The following RET variants were observed in gnomAD, a reference collection of about 807,000 sequenced individuals.
RET encodes the protein proto-oncogene tyrosine-protein kinase receptor Ret.
In RET, 19 loss-of-function variants were observed where a neutral mutation model predicts 118.3. That is an observed-to-expected ratio of 0.16 (90% CI 0.11 to 0.24). The LOEUF (loss-of-function observed/expected upper bound fraction) is 0.24. Among genes scored for constraint, RET ranks in the 10% least tolerant of loss-of-function variants. RET has a pLI of 1.00. For missense variants in RET, 1,219 were observed against 1,502.1 expected, an observed-to-expected ratio of 0.81 and a Z score of 3.12; for synonymous variants, 597 against 644.1, an observed-to-expected ratio of 0.93 and a Z score of 1.11.
chr10:43,095,754 A>G (rs941423762), intron 1 of RET, among the ~76,000 whole-genome samples: 1 of 152,042 alleles, frequency 6.6e-6, no homozygotes, highest in Non-Finnish European at 1.5e-5. Context: ...ATATACACAC[A>G]CTCATGACAC....
At chr10:43,109,826 C>T (rs1200671746) in intron 6 of RET, among the ~76,000 whole-genome samples, 3 of 152,246 alleles carry the variant, frequency 2.0e-5, no homozygotes, top group African/African-American at 7.2e-5. Context: ...AGGCATGAGG[C>T]GTGATCCCTT....
At chr10:43,109,552 G>A (rs1288383680) in intron 6 of RET, among the ~76,000 whole-genome samples, 1 of 152,208 alleles carries the variant, frequency 6.6e-6, no homozygotes, top group African/African-American at 2.4e-5. Flanking sequence ...TGGTGGATTG[G>A]TGAGAGTGGC....
chr10:43,111,425 G>A lies in RET; in HGVS notation c.1482G>A (p.Arg494=), dbSNP rs200088863. 6.2e-7 allele frequency: 1 copy of A among 1,613,454 alleles called. No individual in the cohort carries two copies. Residue 494 remains arginine (R), a synonymous_variant, in exon 7 of 20, where the codon AGG becomes AGA. Transcript: ENST00000355710. The part of the protein sequence containing the change: ...MVVATDQQTS[R]QAQAQLLVTV... ...TGGCCACCGACCAGCAGACCTCTAG[G>A]CAGGCCCAGGCCCAGCTGCTTGTAA...
intron 3 of RET, among the ~76,000 whole-genome samples, chr10:43,103,269 A>G (rs1588864608): frequency 6.6e-6 from 1 of 152,170 alleles, no homozygotes; most frequent in East Asian, 1.9e-4. Context: ...TTAGTTTTAA[A>G]AGGATTAGTC....
intron 5 of RET, among the ~76,000 whole-genome samples, chr10:43,107,227 G>A (rs1337788314): frequency 2.0e-5 from 3 of 152,130 alleles, no homozygotes; most frequent in African/African-American, 2.4e-5. Flanking sequence ...TGCCTGGCCT[G>A]GTCCTGTTCA....
intron 1 of RET, among the ~76,000 whole-genome samples, chr10:43,098,798 T>C (rs548164994): frequency 6.6e-6 from 1 of 152,348 alleles, no homozygotes; most frequent in African/African-American, 2.4e-5. Flanking sequence ...CATCCATTGA[T>C]GGCCACTGAG....
chr10:43,082,120 GCCTGTGGGTC>G (rs1837198441), intron 1 of RET, among the ~76,000 whole-genome samples: 2 of 152,182 alleles, frequency 1.3e-5, no homozygotes, highest in Admixed American at 6.5e-5. Context: ...AGGCCATGAA[GCCTGTGGGTC>G]CCTGAACTGT....
Position 43,113,692 on chromosome 10 carries a change from C to A in RET, c.1879+17C>A, listed in dbSNP as rs369920430. On this transcript the variant is annotated intron_variant, in intron 10 of 19. Transcript: ENST00000355710. ...ACATCCAGGGTGAGTGGGTGGCGGC[C>A]GGGACCACCACCACCTCCCAGCCCC... 1 of 1,612,316 alleles carries A rather than the reference C, an allele frequency of 6.2e-7. No homozygotes were observed.
chr10:43,107,950 A>G (rs1224671250), intron 5 of RET, among the ~76,000 whole-genome samples: 1 of 152,142 alleles, frequency 6.6e-6, no homozygotes, highest in Non-Finnish European at 1.5e-5. Flanking sequence ...GTACAAAGGA[A>G]TGTTAAGGAG....
At chr10:43,095,609 G>A (rs2435347) in intron 1 of RET, among the ~76,000 whole-genome samples, 58,517 of 152,124 alleles carry the variant, frequency 0.38, 11,579 homozygotes, top group South Asian at 0.51. Context: ...ATTGGAAACA[G>A]TCTAGCACTT....
Position 43,128,246 on chromosome 10 carries a change from T to G in RET, c.3322T>G (p.Leu1108Val). The change falls in exon 20 of 20, where the codon TTA (leucine) becomes GTA (valine). Residue 1108 changes from leucine (L) to valine (V), a missense_variant. By Grantham distance (32) the Leu-to-Val change is conservative. Coordinates refer to ENST00000355710, the MANE Select transcript of RET (RefSeq NM_020975.6). ...NWMLSPSAAK[L>V]MDTFDS Reference sequence around the variant, plus strand: ...GATGCTTTCACCCTCAGCGGCAAAATTAATGGACACGTTTGATAGTTAACA... The same window carrying G: ...GATGCTTTCACCCTCAGCGGCAAAAGTAATGGACACGTTTGATAGTTAACA... 1.2e-6 allele frequency: 2 copies of G among 1,614,188 alleles called. No individual in the cohort carries two copies. The highest frequency in any genetic ancestry group is 1.7e-6 in the Non-Finnish European group (2 of 1,180,032).
At chr10:43,088,117 G>A (rs941845627) in intron 1 of RET, among the ~76,000 whole-genome samples, 1 of 151,870 alleles carries the variant, frequency 6.6e-6, no homozygotes, top group Non-Finnish European at 1.5e-5. Context: ...GCTCATAATG[G>A]TGAAGGTGGT....
At chr10:43,100,402 T>G (rs1177928448) in intron 1 of RET, 57 bp from the exon 2 acceptor site, 29 of 1,540,260 alleles carry the variant, frequency 1.9e-5, no homozygotes, top group Middle Eastern at 3.5e-4. Flanking sequence ...TTTTTTTTTT[T>G]GTCCTTGAAG....
intron 15 of RET, among the ~76,000 whole-genome samples, chr10:43,120,875 CA>C (rs1484179898): frequency 1.3e-5 from 2 of 152,020 alleles, no homozygotes; most frequent in Non-Finnish European, 2.9e-5. Context: ...AGGGCAAGTT[CA>C]AGGGGCTGCT....
chr10:43,126,225 C>T (rs2133028877), intron 18 of RET, among the ~76,000 whole-genome samples: 1 of 152,352 alleles, frequency 6.6e-6, no homozygotes, highest in Admixed American at 6.5e-5. Context: ...CTGCCCATCT[C>T]CGGGTTGGGC....
At chr10:43,116,490 C>T (rs1838072802) in intron 11 of RET, 94 bp from the exon 12 acceptor site, 2 of 1,467,936 alleles carry the variant, frequency 1.4e-6, no homozygotes, top group South Asian at 1.1e-5. Context: ...GGAACTTGTC[C>T]ATGGGGCCTC....
rs1234498260 is a variant in RET, at chr10:43,106,259, A to G, written c.868-117A>G. ...TGTCCCCAGACCTGGCTCTGACAAC[A>G]CACATCTGGTCCACCTATGGGCTGT... is the stretch of plus-strand genomic sequence containing the variant. On this transcript the variant is annotated intron_variant, in intron 4 of 19. Transcript: ENST00000355710. This position sits in a 1 kb window ranked among gnomAD's most constrained non-coding sequence, Gnocchi z 5.1. 9.6e-7 allele frequency: 1 copy of G among 1,038,318 alleles called. No individual in the cohort carries two copies. Among genetic ancestry groups the G allele is most frequent in the Non-Finnish European group, 1.4e-6 (1 of 691,546 alleles). The allele number at this position is 1,038,318 out of a possible 1,614,324, so 64.3% of individuals were successfully genotyped here.
chr10:43,093,279 C>G (rs1564486992), intron 1 of RET, among the ~76,000 whole-genome samples: 1 of 152,078 alleles, frequency 6.6e-6, no homozygotes. Flanking sequence ...GCCTGTCCTG[C>G]CCAGCATGTG....
chr10:43,108,855 C>G (rs1011856879), intron 5 of RET, among the ~76,000 whole-genome samples, 176 bp from the exon 6 acceptor site: 1 of 152,200 alleles, frequency 6.6e-6, no homozygotes, highest in Non-Finnish European at 1.5e-5. Flanking sequence ...TAAATCCCAA[C>G]GTTTGAACAT....
Sources: allele counts gnomAD v4.1 joint callset (sites outside exome capture counted in the v4.1 genomes callset), GRCh38; gene constraint gnomAD v4.1.1; non-coding constraint Gnocchi (gnomAD v3.1); transcripts MANE v1.5; gene names NCBI Gene and HGNC (gene_info 2026-07-23, HGNC 2026-07-21).